DLGAP3: variants seen among roughly 807,000 people sequenced by gnomAD.
DLGAP3 encodes the protein DLG associated protein 3, also known as disks large-associated protein 3.
A neutral mutation model predicts 81.2 loss-of-function variants in DLGAP3; 17 were observed. The ratio of observed to expected loss-of-function variants is 0.21; its 90% CI spans 0.14 to 0.31. DLGAP3 has a LOEUF of 0.31. Ranked by LOEUF, DLGAP3 falls within the 10% of genes least tolerant of loss-of-function variation. The pLI is 1.00. For missense variants in DLGAP3, 1,124 were observed against 1,388.0 expected (o/e 0.81, Z 3.02); for synonymous variants, 577 against 587.4 (o/e 0.98, Z 0.26).
intron 1 of DLGAP3, among the ~76,000 whole-genome samples, chr1:34,926,329 T>C (rs572149339): frequency 1.3e-5 from 2 of 152,128 alleles, no homozygotes; most frequent in African/African-American, 2.4e-5. Flanking sequence ...TGACAAGTTA[T>C]TAGCAATGAT....
intron 5 of DLGAP3, among the ~76,000 whole-genome samples, chr1:34,891,480 G>A (rs1639311013): frequency 6.6e-6 from 1 of 152,234 alleles, no homozygotes; most frequent in African/African-American, 2.4e-5. Flanking sequence ...GACCAAGGGA[G>A]TTTGATAAGC....
intron 1 of DLGAP3, among the ~76,000 whole-genome samples, chr1:34,907,827 G>C (rs868120311): frequency 1.3e-5 from 2 of 152,124 alleles, no homozygotes; most frequent in Non-Finnish European, 2.9e-5. Flanking sequence ...CCCTGTCCTC[G>C]AGGGGTTTAT....
Position 34,904,547 on chromosome 1 carries a change from G to A in DLGAP3, c.837C>T (p.Pro279=), listed in dbSNP as rs750414404. 9 of 1,614,138 alleles carry A rather than the reference G, an allele frequency of 5.6e-6. No individual in the cohort carries two copies. The highest frequency in any genetic ancestry group is 1.7e-5 in the Admixed American group (1 of 60,030). ...AGAAGGGACCACCAGGCTCCCCAGGGGGCCTCCCACCCGCCAGGAAGCCGC... is the reference window on the plus strand; with the variant it reads ...AGAAGGGACCACCAGGCTCCCCAGGAGGCCTCCCACCCGCCAGGAAGCCGC... ...SDSGFLAGGR[P]PGEPGGPFCL... Residue 279 remains proline (P), a synonymous_variant, in exon 3 of 12, where the codon CCC becomes CCT. Transcript: ENST00000373347. This position sits in a 1 kb window ranked among gnomAD's most constrained non-coding sequence, Gnocchi z 8.1.
rs1262843503 is a variant in DLGAP3, at chr1:34,868,410, C to T, written c.2485+195G>A. On this transcript the variant is annotated intron_variant, in intron 9 of 11. Transcript: ENST00000373347. This position sits in a 1 kb window ranked among gnomAD's most constrained non-coding sequence, Gnocchi z 7.5. ...CCTCTAAAGCTGCACCATGTGCACC[C>T]TGCTCCCTTTCAAGAGCTCCCAGCA... 6.6e-6 allele frequency among the ~76,000 whole-genome samples: 1 copy of T among 152,210 alleles called. No homozygotes were observed. The highest frequency in any genetic ancestry group is 1.5e-5 in the Non-Finnish European group (1 of 68,022).
chr1:34,903,541 T>C (rs1405182706), intron 3 of DLGAP3, among the ~76,000 whole-genome samples: 2 of 152,038 alleles, frequency 1.3e-5, no homozygotes, highest in Non-Finnish European at 2.9e-5. Flanking sequence ...GAAGGCTCCA[T>C]AAAAAGTAGG....
At chr1:34,905,484 T>C (rs776943381) in intron 2 of DLGAP3, 50 bp from the exon 3 acceptor site, 137 of 1,289,862 alleles carry the variant, frequency 1.1e-4, no homozygotes, top group Non-Finnish European at 1.4e-4. Context: ...CCTCTTCACC[T>C]AAAACCATCT....
intron 8 of DLGAP3, among the ~76,000 whole-genome samples, chr1:34,871,739 G>A (rs1416764665): frequency 6.6e-6 from 1 of 152,112 alleles, no homozygotes; most frequent in South Asian, 2.1e-4. Context: ...TGCCATGTTC[G>A]CTGCCTTCCG....
At chr1:34,921,153 T>C (rs1280109340) in intron 1 of DLGAP3, among the ~76,000 whole-genome samples, 2 of 152,000 alleles carry the variant, frequency 1.3e-5, no homozygotes, top group Non-Finnish European at 2.9e-5. Flanking sequence ...CAGGAGGTAA[T>C]AGGGGGCTTT....
chr1:34,912,809 A>G (rs1418996704), intron 1 of DLGAP3, among the ~76,000 whole-genome samples: 3 of 152,142 alleles, frequency 2.0e-5, no homozygotes, highest in African/African-American at 7.2e-5. Context: ...GAGCCCTAAC[A>G]CAGAGCCTCT....
intron 1 of DLGAP3, among the ~76,000 whole-genome samples, chr1:34,927,393 G>T (rs1283553623): frequency 6.6e-6 from 1 of 152,170 alleles, no homozygotes; most frequent in South Asian, 2.1e-4. Flanking sequence ...CAGAGTCCCC[G>T]GTTTGTAATG....
intron 4 of DLGAP3, 115 bp downstream of exon 4, chr1:34,899,953 C>A (rs192198382): frequency 1.1e-5 from 11 of 986,030 alleles, no homozygotes; most frequent in Non-Finnish European, 1.6e-6. Flanking sequence ...GAGTGAGACA[C>A]CCCAGTTGAA....
At chr1:34,887,112 G>A (rs1011534624) in intron 5 of DLGAP3, among the ~76,000 whole-genome samples, 19 of 151,700 alleles carry the variant, frequency 1.3e-4, no homozygotes, top group Admixed American at 3.3e-4. Context: ...CTGCCACGAC[G>A]CCCGGCTAAT....
chr1:34,925,123 C>T (rs1047882608), intron 1 of DLGAP3, among the ~76,000 whole-genome samples: 2 of 151,966 alleles, frequency 1.3e-5, no homozygotes, highest in African/African-American at 4.8e-5. Context: ...CCCTTTAGAA[C>T]AGAAGCCCCT....
chr1:34,875,879 C>G (rs951048701), intron 8 of DLGAP3, among the ~76,000 whole-genome samples: 1 of 152,252 alleles, frequency 6.6e-6, no homozygotes, highest in East Asian at 1.9e-4. Flanking sequence ...CTTCGGATCT[C>G]CACCCAAATG....
At chr1:34,880,744 A>G (rs1209143238) in intron 8 of DLGAP3, among the ~76,000 whole-genome samples, 5 of 152,184 alleles carry the variant, frequency 3.3e-5, no homozygotes, top group Non-Finnish European at 7.3e-5. Context: ...TGCAATAAAT[A>G]TTGATAACAT....
Position 34,885,722 on chromosome 1 carries a change from G to A in DLGAP3, c.1670C>T (p.Thr557Ile). The A allele has an allele frequency of 7.0e-7, 1 of 1,422,068 alleles. No individual in the cohort carries two copies. The highest frequency in any genetic ancestry group is 2.7e-5 in the East Asian group (1 of 37,532). The allele number at this position is 1,422,068 out of a possible 1,614,324, so 88.1% of individuals were successfully genotyped here. Residue 557 changes from threonine (T) to isoleucine (I), a missense_variant, in exon 7 of 12, where the codon ACC (threonine) becomes ATC (isoleucine). This residue lies in a region of DLGAP3 where 379 missense variants were observed against 455.7 expected (regional missense o/e 0.83). Transcript: ENST00000373347. ...GSQAPPRISI[T>I]AQSSTDSAHE... is the part of the protein sequence containing the mutation. ...CGCGGAGTCGGTGCTGCTCTGGGCG[G>A]TGATGGAGATGCGGGGCGGGGCCTG...
At chr1:34,922,524 CCACA>C (rs146010934) in intron 1 of DLGAP3, among the ~76,000 whole-genome samples, 10 of 151,088 alleles carry the variant, frequency 6.6e-5, no homozygotes, top group Admixed American at 4.6e-4. Context: ...GATAAGCACA[CCACA>C]CACACACACA....
chr1:34,867,020 T>C lies in DLGAP3; in HGVS notation c.2721+28A>G. Reference sequence around the variant, plus strand: ...GAGGGGAATTTCCCAGAGTCTGGCCTCTTTGCCTGAAGGCACCCCAGCCCC... The same window carrying C: ...GAGGGGAATTTCCCAGAGTCTGGCCCCTTTGCCTGAAGGCACCCCAGCCCC... On this transcript the variant is annotated intron_variant, in intron 11 of 11. Coordinates refer to ENST00000373347, the MANE Select transcript of DLGAP3 (RefSeq NM_001080418.3). The surrounding 1 kb of genome is among the most constrained non-coding windows in gnomAD (Gnocchi z 4.3). 1 of 1,613,880 alleles carries C rather than the reference T, an allele frequency of 6.2e-7. No individual in the cohort carries two copies. Among genetic ancestry groups the C allele is most frequent in the Non-Finnish European group, 8.5e-7 (1 of 1,179,832 alleles).
intron 1 of DLGAP3, among the ~76,000 whole-genome samples, chr1:34,919,335 C>T (rs887364094): frequency 6.6e-6 from 1 of 152,224 alleles, no homozygotes; most frequent in Non-Finnish European, 1.5e-5. Context: ...CTCCCACTTC[C>T]TCCTTTTCTT....
Sources: allele counts gnomAD v4.1 joint callset (sites outside exome capture counted in the v4.1 genomes callset), GRCh38; gene constraint gnomAD v4.1.1; regional missense constraint gnomAD v4.1.1; non-coding constraint Gnocchi (gnomAD v3.1); transcripts MANE v1.5; gene names NCBI Gene and HGNC (gene_info 2026-07-23, HGNC 2026-07-21).